Variants in SEC31A observed in about 807,000 individuals in gnomAD.
SEC31A encodes protein transport protein Sec31A.
In SEC31A, 70 loss-of-function variants were observed where a neutral mutation model predicts 151.0. The observed-to-expected ratio is 0.46, with a 90% CI of 0.38 to 0.57. The LOEUF is 0.57. Ranked by LOEUF, SEC31A falls within the 20% of genes least tolerant of loss-of-function variation. SEC31A has a pLI of 0.00. For synonymous variants in SEC31A, 475 were observed against 505.9 expected, an observed-to-expected ratio of 0.94 and a Z score of 0.82; for missense variants, 1,330 against 1,471.2, an observed-to-expected ratio of 0.90 and a Z score of 1.57.
intron 22 of SEC31A, among the ~76,000 whole-genome samples, chr4:82,836,061 A>G (rs534787649): frequency 1.6e-4 from 24 of 152,238 alleles, no homozygotes; most frequent in Non-Finnish European, 2.8e-4. Context: ...TGATCCAGCA[A>G]TTCCACCTCT....
chr4:82,854,712 TAA>T (rs79298254), intron 17 of SEC31A, among the ~76,000 whole-genome samples, 189 bp downstream of exon 17: 183 of 140,256 alleles, frequency 1.3e-3, no homozygotes, highest in Middle Eastern at 3.6e-3. Context: ...CTAGTAGATT[TAA>T]AAAAAAAAAA....
At chr4:82,882,025 T>A in intron 1 of SEC31A, 85 bp from the exon 2 acceptor site, 2 of 1,028,370 alleles carry the variant, frequency 1.9e-6, no homozygotes, top group Non-Finnish European at 3.0e-6. Flanking sequence ...AGAAACATAC[T>A]GAACAAACCA....
At chr4:82,833,907 G>C (rs13146180) in intron 22 of SEC31A, among the ~76,000 whole-genome samples, 68,960 of 152,140 alleles carry the variant, frequency 0.45, 18,224 homozygotes, top group Admixed American at 0.6. Context: ...AACTGTGAGG[G>C]GGGAGAGGTA....
At chr4:82,871,892 G>A (rs1254324773) in intron 7 of SEC31A, 52 bp downstream of exon 7, 10 of 1,611,146 alleles carry the variant, frequency 6.2e-6, no homozygotes, top group African/African-American at 2.7e-5. Flanking sequence ...AAACATCACC[G>A]ACATGTTCAG....
chr4:82,842,462 C>G lies in SEC31A; in HGVS notation c.2646G>C (p.Pro882=). 6.2e-7 allele frequency: 1 copy of G among 1,611,732 alleles called. No individual in the cohort carries two copies. The highest frequency in any genetic ancestry group is 2.2e-5 in the East Asian group (1 of 44,832). Residue 882 remains proline, a synonymous_variant, in exon 22 of 27, where the codon CCG becomes CCC. Coordinates refer to ENST00000395310, the MANE Select transcript of SEC31A (RefSeq NM_001077207.4). ...PQPQPYQPAQ[P]YPFGTGGSAM... is the part of the protein sequence containing the mutation. ...CTGACCCCCCTGTTCCGAAGGGATA[C>G]GGCTGGGCTGGTTGATAAGCTACAC...
intron 1 of SEC31A, among the ~76,000 whole-genome samples, chr4:82,883,178 A>G: frequency 6.6e-6 from 1 of 152,230 alleles, no homozygotes; most frequent in Middle Eastern, 3.2e-3. Context: ...TACTTTTTAA[A>G]GATCTTTGTT....
At position 82,848,978 on chromosome 4, in the gene SEC31A, C is replaced by T. The variant is rs1730824210; in HGVS notation, c.2329-1G>A. ...TGTCACGAAGCTGCATGATATTTGG[C>T]TAAAAAGGATTGGAAAAACAGCAGA... On this transcript the variant is annotated splice_acceptor_variant, in intron 19 of 26. Transcript: ENST00000395310. LOFTEE classifies it high-confidence loss of function. The T allele has an allele frequency of 6.2e-7, 1 of 1,610,728 alleles. No individual in the cohort carries two copies. The highest frequency in any genetic ancestry group is 8.5e-7 in the Non-Finnish European group (1 of 1,178,758).
Position 82,859,150 on chromosome 4 carries a change from AC to A in SEC31A, c.1627-1387del, listed in dbSNP as rs1454029535. Among the ~76,000 whole-genome samples the A allele has an allele frequency of 2.0e-5, 3 of 152,172 alleles. No individual in the cohort carries two copies. In the East Asian group the frequency reaches 5.8e-4, roughly 29 times the overall value. ...AAAAATGAAAAAAAAATCACATGGTACCCATAACATAAAAGTAATATAAGTA... is the reference window on the plus strand; with the variant it reads ...AAAAATGAAAAAAAAATCACATGGTACCATAACATAAAAGTAATATAAGTA... On this transcript the variant is annotated intron_variant, in intron 14 of 26. Transcript: ENST00000395310.
chr4:82,824,552 T>A lies in SEC31A; in HGVS notation c.3411+3A>T. The A allele has an allele frequency of 6.2e-7, 1 of 1,612,030 alleles. No homozygotes were observed. Among genetic ancestry groups the A allele is most frequent in the Non-Finnish European group, 8.5e-7 (1 of 1,179,486 alleles). ...AATATGATTTAAAAAAATAAATACA[T>A]ACAGGGTCTGTTGCTGAAGAAAGGC... On this transcript the variant is annotated splice_donor_region_variant and intron_variant, in intron 25 of 26. Coordinates refer to ENST00000395310, the MANE Select transcript of SEC31A (RefSeq NM_001077207.4).
chr4:82,867,780 C>T (rs1167667175), intron 8 of SEC31A, among the ~76,000 whole-genome samples: 1 of 152,178 alleles, frequency 6.6e-6, no homozygotes, highest in Non-Finnish European at 1.5e-5. Context: ...TTACAGGCGC[C>T]CATCATCATG....
intron 26 of SEC31A, among the ~76,000 whole-genome samples, chr4:82,819,763 T>C (rs1199090556): frequency 6.8e-6 from 1 of 147,750 alleles, no homozygotes; most frequent in Non-Finnish European, 1.5e-5. Context: ...AAGACTTTAT[T>C]TGGATTTTTT....
chr4:82,870,391 A>G lies in SEC31A; in HGVS notation c.816T>C (p.Asp272=). The change falls in exon 8 of 27, where the codon GAT becomes GAC. Residue 272 remains aspartate (D), a synonymous_variant. Coordinates refer to ENST00000395310, the MANE Select transcript of SEC31A (RefSeq NM_001077207.4). ...GILAIAWSMA[D]PELLLSCGKD... ...TTCCACAGCTCAGTAACAATTCAGG[A>G]TCTGCCATGCTCCAAGCAATTGCCA... 6.2e-7 allele frequency: 1 copy of G among 1,614,020 alleles called. No homozygotes were observed. The highest frequency in any genetic ancestry group is 8.5e-7 in the Non-Finnish European group (1 of 1,179,890).
chr4:82,865,009 A>G (rs1735002847), intron 10 of SEC31A, among the ~76,000 whole-genome samples: 1 of 152,090 alleles, frequency 6.6e-6, no homozygotes, highest in African/African-American at 2.4e-5. Context: ...CCTAACCTCA[A>G]GTGATCCACC....
chr4:82,871,535 G>A, intron 7 of SEC31A: 1 of 789,716 alleles, frequency 1.3e-6, no homozygotes, highest in Non-Finnish European at 2.0e-6. Context: ...CAGCACTTTG[G>A]GAGGCAAAGG....
At chr4:82,870,751 A>G (rs1459829033) in intron 7 of SEC31A, among the ~76,000 whole-genome samples, 1 of 152,166 alleles carries the variant, frequency 6.6e-6, no homozygotes, top group Admixed American at 6.6e-5. Context: ...AATAAAATAA[A>G]TGCAATATTT....
rs1722757094 is a variant in SEC31A, at chr4:82,818,913, G to A, written c.*161C>T. ...AACAAAAATAAAGCACCAGGGTTCTGAGCAGTTCTAAGGTGAGTATATCAG... is the reference window on the plus strand; with the variant it reads ...AACAAAAATAAAGCACCAGGGTTCTAAGCAGTTCTAAGGTGAGTATATCAG... On this transcript the variant is annotated 3_prime_UTR_variant, in exon 27 of 27. Coordinates refer to ENST00000395310, the MANE Select transcript of SEC31A (RefSeq NM_001077207.4). The A allele has an allele frequency of 2.2e-6, 1 of 446,274 alleles. No individual in the cohort carries two copies. Among genetic ancestry groups the A allele is most frequent in the Middle Eastern group, 4.4e-4 (1 of 2,266 alleles). The allele number at this position is 446,274 out of a possible 1,614,324, so 27.6% of individuals were successfully genotyped here. A position where few individuals can be genotyped will look rare whatever the true frequency, so the allele number is the denominator to read the frequency against.
At chr4:82,822,430 A>C (rs1723563621) in intron 25 of SEC31A, among the ~76,000 whole-genome samples, 1 of 152,190 alleles carries the variant, frequency 6.6e-6, no homozygotes, top group Admixed American at 6.5e-5. Context: ...AGTTCCAGGC[A>C]GAAGGAGCAG....
rs565952813 is a variant in SEC31A, at chr4:82,829,188, C to T, written c.2969-130G>A. 5.9e-4 allele frequency: 404 copies of T among 688,484 alleles called. 1 individual carries two copies. The African/African-American group carries it at 6.2e-3, about 11-fold the overall frequency. 42.6% of individuals were successfully genotyped at this position (688,484 alleles called of 1,614,324 possible). A position where few individuals can be genotyped will look rare whatever the true frequency, so the allele number is the denominator to read the frequency against. ...TAACTGTCACAAAGGTTTTACCAGC[C>T]GAGTGTGGGGATCACTATGTAGCCC... On this transcript the variant is annotated intron_variant, in intron 22 of 26. Transcript: ENST00000395310.
chr4:82,885,572 G>C (rs761515042), intron 1 of SEC31A, among the ~76,000 whole-genome samples: 4 of 152,070 alleles, frequency 2.6e-5, no homozygotes, highest in Non-Finnish European at 5.9e-5. Context: ...CATGGTTATA[G>C]TCAATAGTAT....
Sources: gnomAD v4.1 joint callset for allele counts (sites outside exome capture counted in the v4.1 genomes callset) on GRCh38, gnomAD v4.1.1 for gene constraint, MANE v1.5 for transcripts, NCBI Gene and HGNC (gene_info 2026-07-23, HGNC 2026-07-21) for gene names.